The following VAX2 variants were observed in gnomAD, a reference collection of about 807,000 sequenced individuals.
VAX2 encodes the protein ventral anterior homeobox 2.
Under a neutral mutation model 12.5 loss-of-function variants are expected in VAX2, and 8 were observed. The observed-to-expected ratio is 0.64, with a 90% confidence interval of 0.37 to 1.15. The LOEUF (loss-of-function observed/expected upper bound fraction) is 1.15, where lower values mean the gene tolerates loss of function less well. VAX2 is among the 50% of genes most tolerant of loss of function. The pLI, the probability that VAX2 is intolerant of heterozygous loss-of-function variation, is 0.01. For synonymous variants in VAX2, 183 were observed against 187.6 expected (o/e 0.98, Z 0.20); for missense variants, 476 against 412.9 (o/e 1.15, Z -1.32).
At chr2:70,923,348 A>G (rs1679503703) in intron 2 of VAX2, among the ~76,000 whole-genome samples, 2 of 152,156 alleles carry the variant, frequency 1.3e-5, no homozygotes, top group Non-Finnish European at 2.9e-5. Flanking sequence ...CCTCACCACA[A>G]CCTTATGGGA....
chr2:70,903,228 G>A (rs1553409999), intron 1 of VAX2, among the ~76,000 whole-genome samples: 2 of 152,186 alleles, frequency 1.3e-5, no homozygotes, highest in Non-Finnish European at 2.9e-5. Context: ...CTTGACCTCA[G>A]AGAACACATC....
chr2:70,929,263 C>G (rs1275278243), intron 2 of VAX2, among the ~76,000 whole-genome samples: 1 of 152,234 alleles, frequency 6.6e-6, no homozygotes, highest in African/African-American at 2.4e-5. Context: ...AAACAGTCAC[C>G]CCCCTCCTTC....
intron 1 of VAX2, among the ~76,000 whole-genome samples, chr2:70,916,094 G>T (rs547963974): frequency 6.6e-6 from 1 of 152,220 alleles, no homozygotes; most frequent in South Asian, 2.1e-4. Flanking sequence ...CAAACCATAA[G>T]TGGAATACAG....
At chr2:70,905,686 T>C (rs529440241) in intron 1 of VAX2, among the ~76,000 whole-genome samples, 2 of 152,266 alleles carry the variant, frequency 1.3e-5, no homozygotes, top group Admixed American at 6.5e-5. Flanking sequence ...CCCACACACC[T>C]GCATCTTCAG....
chr2:70,925,456 TATA>T (rs1391061925), intron 2 of VAX2, among the ~76,000 whole-genome samples: 3 of 152,120 alleles, frequency 2.0e-5, no homozygotes, highest in African/African-American at 4.8e-5. Flanking sequence ...GGTGACACCA[TATA>T]ATGAGTTGAG....
intron 2 of VAX2, among the ~76,000 whole-genome samples, chr2:70,928,287 G>A (rs1553413814): frequency 6.6e-6 from 1 of 152,234 alleles, no homozygotes; most frequent in Non-Finnish European, 1.5e-5. Context: ...ATGCTGGGAA[G>A]CACATTAGAT....
chr2:70,921,310 C>G (rs1293006742), intron 2 of VAX2, 25 bp downstream of exon 2: 2 of 1,547,958 alleles, frequency 1.3e-6, no homozygotes, highest in Admixed American at 2.1e-5. Flanking sequence ...CCAGGCCACT[C>G]CACTCTTGTC....
chr2:70,931,084 A>C (rs1679685309), intron 2 of VAX2, among the ~76,000 whole-genome samples: 1 of 152,174 alleles, frequency 6.6e-6, no homozygotes, highest in South Asian at 2.1e-4. Flanking sequence ...CCCAACTTGC[A>C]TCTGCAGGGC....
At chr2:70,923,263 C>G (rs1679501392) in intron 2 of VAX2, among the ~76,000 whole-genome samples, 1 of 152,188 alleles carries the variant, frequency 6.6e-6, no homozygotes, top group Non-Finnish European at 1.5e-5. Flanking sequence ...AAGTAATGGA[C>G]AGCTGATGCT....
At chr2:70,905,363 G>A (rs782427078) in intron 1 of VAX2, among the ~76,000 whole-genome samples, 13 of 152,070 alleles carry the variant, frequency 8.5e-5, no homozygotes, top group East Asian at 1.9e-4. Context: ...GTTGCTTTAC[G>A]TTATTTTTTC....
chr2:70,921,292 G>C lies in VAX2; in HGVS notation c.435+7G>C. On this transcript the variant is annotated splice_region_variant and intron_variant, in intron 2 of 2. Coordinates refer to ENST00000234392, the MANE Select transcript of VAX2 (RefSeq NM_012476.3). ...GAACCTCTCCGAGACCCAGGTAAGAGACCAGGGCCAGGCCACTCCACTCTT... is the reference window on the plus strand; with the variant it reads ...GAACCTCTCCGAGACCCAGGTAAGACACCAGGGCCAGGCCACTCCACTCTT... 6.2e-7 allele frequency: 1 copy of C among 1,602,748 alleles called. No individual in the cohort carries two copies. Among genetic ancestry groups the C allele is most frequent in the African/African-American group, 1.3e-5 (1 of 74,388 alleles).
Position 70,932,833 on chromosome 2 carries a change from C to T in VAX2, c.502C>T (p.Arg168Trp), listed in dbSNP as rs202064044. The T allele has an allele frequency of 5.0e-6, 8 of 1,612,042 alleles. No individual in the cohort carries two copies. Among genetic ancestry groups the T allele is most frequent in the South Asian group, 1.1e-5 (1 of 90,744 alleles). Residue 168 changes from arginine to tryptophan, a missense_variant, in exon 3 of 3, where the codon CGG becomes TGG. By Grantham distance (101) the Arg-to-Trp change is moderately radical (BLOSUM62 -3). Transcript: ENST00000234392. ...AGACCAGAGCAGAGACCTGGAGAAG[C>T]GGGCGTCCTCCTCAGCCTCCGAGGC... is the stretch of plus-strand genomic sequence containing the variant. ...KKDQSRDLEKRASSSASEAFA... is the reference protein window; with the variant it reads ...KKDQSRDLEKWASSSASEAFA...
At position 70,918,436 on chromosome 2, in the gene VAX2, C is replaced by T. The variant is rs540768587; in HGVS notation, c.248-2662C>T. ...TAGAGCAGGGATTCTCAAGGTAGGTCCCACCGTCCCTGTGGATCACAAGGA... is the reference window on the plus strand; with the variant it reads ...TAGAGCAGGGATTCTCAAGGTAGGTTCCACCGTCCCTGTGGATCACAAGGA... On this transcript the variant is annotated intron_variant, in intron 1 of 2. Transcript: ENST00000234392. 9.2e-5 allele frequency among the ~76,000 whole-genome samples: 14 copies of T among 152,242 alleles called. No individual in the cohort carries two copies. In the East Asian group the frequency reaches 2.7e-3, roughly 29 times the overall value.
chr2:70,930,495 C>A (rs34315744), intron 2 of VAX2, among the ~76,000 whole-genome samples: 3,461 of 152,330 alleles, frequency 0.023, 49 homozygotes, highest in Non-Finnish European at 0.032. Flanking sequence ...TCCCTCTTCC[C>A]CCAACAGCCA....
intron 1 of VAX2, 117 bp from the exon 2 acceptor site, chr2:70,920,981 C>A: frequency 7.9e-7 from 1 of 1,258,128 alleles, no homozygotes; most frequent in Non-Finnish European, 1.1e-6. Context: ...GGTCATGCAA[C>A]CAGATCCAGG....
chr2:70,924,910 C>T (rs782067976), intron 2 of VAX2, among the ~76,000 whole-genome samples: 1 of 151,948 alleles, frequency 6.6e-6, no homozygotes, highest in South Asian at 2.1e-4. Flanking sequence ...AGGAGAGAGA[C>T]TAAAAGGAAG....
At chr2:70,907,345 C>G (rs1167101245) in intron 1 of VAX2, among the ~76,000 whole-genome samples, 6 of 152,238 alleles carry the variant, frequency 3.9e-5, no homozygotes, top group Non-Finnish European at 8.8e-5. Context: ...TGGTGAGTCT[C>G]CCGGCTTTCG....
At position 70,900,628 on chromosome 2, in the gene VAX2, G is replaced by A; in HGVS notation, c.7G>A (p.Asp3Asn). Residue 3 changes from aspartate to asparagine, a missense_variant, in exon 1 of 3, where the codon GAT becomes AAT. Asp to Asn is a conservative substitution (Grantham distance 23). Coordinates refer to ENST00000234392, the MANE Select transcript of VAX2 (RefSeq NM_012476.3). Reference protein sequence around the residue: MGDGGAERDRGPA... With the variant: MGNGGAERDRGPA... ...GTTGGCAGTGGCGGTCAGCATGGGC[G>A]ATGGGGGCGCCGAGCGCGACCGGGG... The A allele has an allele frequency of 1.6e-6, 2 of 1,269,700 alleles. No individual in the cohort carries two copies. The highest frequency in any genetic ancestry group is 2.0e-6 in the Non-Finnish European group (2 of 1,008,016). 78.7% of individuals were successfully genotyped at this position (1,269,700 alleles called of 1,614,324 possible).
chr2:70,905,532 T>C (rs901821424), intron 1 of VAX2, among the ~76,000 whole-genome samples: 5 of 151,634 alleles, frequency 3.3e-5, no homozygotes, highest in Admixed American at 1.3e-4. Context: ...AATCATCTTG[T>C]AGGTGTGTCT....
Sources: gnomAD v4.1 joint callset for allele counts (sites outside exome capture counted in the v4.1 genomes callset) on GRCh38, gnomAD v4.1.1 for gene constraint, MANE v1.5 for transcripts, NCBI Gene and HGNC (gene_info 2026-07-23, HGNC 2026-07-21) for gene names.